IL7: variants seen among roughly 807,000 people sequenced by gnomAD.
IL7 encodes interleukin-7.
IL7 carries 3 observed loss-of-function variants against 21.6 expected under a neutral mutation model. The ratio of observed to expected loss-of-function variants is 0.14; its 90% CI spans 0.06 to 0.36. The LOEUF (loss-of-function observed/expected upper bound fraction) is 0.36. IL7 is among the 10% of genes least tolerant of loss of function. The probability of loss-of-function intolerance (pLI) is 1.00; values close to 1 mark genes in which losing one functional copy is unlikely to be tolerated. For synonymous variants in IL7, 62 were observed against 68.1 expected, an observed-to-expected ratio of 0.91 and a Z score of 0.44; for missense variants, 175 against 200.2, an observed-to-expected ratio of 0.87 and a Z score of 0.76.
intron 3 of IL7, among the ~76,000 whole-genome samples, chr8:78,709,368 T>C (rs1810883061): frequency 6.6e-6 from 1 of 152,216 alleles, no homozygotes; most frequent in South Asian, 2.1e-4. Flanking sequence ...TCCAGTCTTT[T>C]GATGTGTGTG....
chr8:78,782,516 G>T (rs1563433948), intron 2 of IL7, among the ~76,000 whole-genome samples: 1 of 152,056 alleles, frequency 6.6e-6, no homozygotes, highest in South Asian at 2.1e-4. Flanking sequence ...GACCCTATTT[G>T]CCTGGGTCTC....
At chr8:78,781,167 T>A (rs1373663934) in intron 2 of IL7, among the ~76,000 whole-genome samples, 2 of 152,228 alleles carry the variant, frequency 1.3e-5, no homozygotes, top group African/African-American at 4.8e-5. Context: ...TGACTCTTTA[T>A]CCAGCTTGCC....
chr8:78,723,045 T>C (rs1430466205), intron 3 of IL7, among the ~76,000 whole-genome samples: 3 of 149,350 alleles, frequency 2.0e-5, no homozygotes, highest in Non-Finnish European at 4.5e-5. Context: ...TTCTAGATAG[T>C]CTTTCATTTT....
At chr8:78,765,840 T>C (rs956250370) in intron 2 of IL7, among the ~76,000 whole-genome samples, 2 of 152,054 alleles carry the variant, frequency 1.3e-5, no homozygotes, top group Non-Finnish European at 2.9e-5. Context: ...CCCAAAGAAT[T>C]TGAAAATTTG....
rs183717781 is a variant in IL7, at chr8:78,780,824, A to G, written c.147+17248T>C. ...CCTCAATGATCTGTCTAATATTGAC[A>G]GTGCAGTGTTAAATTCTCTCACTAT... On this transcript the variant is annotated intron_variant, in intron 2 of 5. Coordinates refer to ENST00000263851, the MANE Select transcript of IL7 (RefSeq NM_000880.4). Among the ~76,000 whole-genome samples the G allele has an allele frequency of 2.8e-3, 433 of 152,316 alleles. 2 individuals carry two copies. Among genetic ancestry groups the G allele is most frequent in the African/African-American group, 1.0e-2 (414 of 41,568 alleles).
At chr8:78,699,893 A>C (rs1486455977) in intron 3 of IL7, among the ~76,000 whole-genome samples, 1 of 152,058 alleles carries the variant, frequency 6.6e-6, no homozygotes, top group East Asian at 1.9e-4. Flanking sequence ...GGTTGATTCC[A>C]TGTCTTCAGT....
intron 1 of IL7, among the ~76,000 whole-genome samples, chr8:78,804,644 C>T (rs1157271964): frequency 6.6e-6 from 1 of 152,198 alleles, no homozygotes; most frequent in Non-Finnish European, 1.5e-5. Context: ...GAGGCTGCAG[C>T]GTTCCCTCTC....
downstream of IL7, among the ~76,000 whole-genome samples, chr8:78,732,512 A>T: frequency 6.6e-6 from 1 of 152,118 alleles, no homozygotes; most frequent in African/African-American, 2.4e-5. Flanking sequence ...ATGCAAACTG[A>T]CAGCTATTTG....
At chr8:78,717,561 G>GCACATC, downstream of IL7, 1 of 1,468,132 alleles carries the variant, frequency 6.8e-7, no homozygotes, top group Non-Finnish European at 9.1e-7. Flanking sequence ...GACAGCTAGA[G>GCACATC]CACATCCTCT....
chr8:78,783,001 C>T (rs1028455792), intron 2 of IL7, among the ~76,000 whole-genome samples: 12 of 151,598 alleles, frequency 7.9e-5, no homozygotes, highest in Non-Finnish European at 1.8e-4. Context: ...GTGGAGAATT[C>T]CTCCTGGATC....
chr8:78,741,536 T>A (rs1811779545), intron 2 of IL7, among the ~76,000 whole-genome samples: 2 of 152,228 alleles, frequency 1.3e-5, no homozygotes, highest in South Asian at 4.1e-4. Context: ...ATATGTCACA[T>A]AATGAATGCC....
downstream of IL7, among the ~76,000 whole-genome samples, chr8:78,729,840 A>G (rs1458984792): frequency 6.6e-6 from 1 of 152,050 alleles, no homozygotes; most frequent in Admixed American, 6.6e-5. Flanking sequence ...TTCAAATATA[A>G]GAAAATTTGT....
intron 4 of IL7, among the ~76,000 whole-genome samples, chr8:78,737,369 G>GT: frequency 6.6e-6 from 1 of 152,090 alleles, no homozygotes; most frequent in East Asian, 1.9e-4. Context: ...CCGCTGTTAA[G>GT]TAGGAATGAA....
At chr8:78,757,190 A>G (rs1014541498) in intron 2 of IL7, among the ~76,000 whole-genome samples, 3 of 151,832 alleles carry the variant, frequency 2.0e-5, no homozygotes, top group African/African-American at 7.2e-5. Flanking sequence ...GTATTTGTAC[A>G]GTTTCCAAAA....
intron 2 of IL7, among the ~76,000 whole-genome samples, chr8:78,751,654 T>G (rs1248144235): frequency 6.6e-6 from 1 of 152,242 alleles, no homozygotes; most frequent in Non-Finnish European, 1.5e-5. Context: ...TAGTCGTACA[T>G]ATTTATGGAT....
At chr8:78,768,566 CT>C (rs1407887068) in intron 2 of IL7, among the ~76,000 whole-genome samples, 1 of 150,796 alleles carries the variant, frequency 6.6e-6, no homozygotes, top group Non-Finnish European at 1.5e-5. Flanking sequence ...GCATAAATGT[CT>C]TCTTTTGAGA....
At chr8:78,680,966 G>T (rs1809757502) in intron 4 of IL7, among the ~76,000 whole-genome samples, 1 of 152,186 alleles carries the variant, frequency 6.6e-6, no homozygotes, top group Non-Finnish European at 1.5e-5. Flanking sequence ...GGAGAGAATG[G>T]TGGGAGTAGG....
At position 78,712,168 on chromosome 8, in the gene IL7, A is replaced by G. The variant is rs543388746; in HGVS notation, n.214+9180T>C. ...AGATATTTCCTTAAAAGCTTTATAT[A>G]ATGGAATAACATAACTTTTACTGTC... On this transcript the variant is annotated intron_variant and non_coding_transcript_variant, in intron 3 of 4. Coordinates refer to the IL7 transcript ENST00000523959. 36 of 982,024 alleles carry G rather than the reference A, an allele frequency of 3.7e-5. No homozygotes were observed. In the African/African-American group the frequency reaches 5.5e-4, roughly 15 times the overall value. The allele number at this position is 982,024 out of a possible 1,614,324, so 60.8% of individuals were successfully genotyped here.
At chr8:78,771,768 G>T (rs542601445) in intron 2 of IL7, among the ~76,000 whole-genome samples, 5 of 152,140 alleles carry the variant, frequency 3.3e-5, no homozygotes, top group African/African-American at 1.2e-4. Context: ...CAGCCTGGAG[G>T]ATTCAAAAAC....
Sources: allele counts gnomAD v4.1 joint callset (sites outside exome capture counted in the v4.1 genomes callset), GRCh38; gene constraint gnomAD v4.1.1; transcripts MANE v1.5; gene names NCBI Gene and HGNC (gene_info 2026-07-23, HGNC 2026-07-21).